The following USP48 variants were observed in gnomAD, a reference collection of about 807,000 sequenced individuals.
USP48 encodes the protein ubiquitin carboxyl-terminal hydrolase 48.
A neutral mutation model predicts 150.7 loss-of-function variants in USP48; 43 were observed. That is an observed-to-expected ratio of 0.29 (90% CI 0.22 to 0.37). The LOEUF (loss-of-function observed/expected upper bound fraction) is 0.37. USP48 is among the 10% of genes least tolerant of loss of function. USP48 has a pLI of 1.00. For missense variants in USP48, 813 were observed against 1,249.6 expected (o/e 0.65, Z 5.27); for synonymous variants, 396 against 425.9 (o/e 0.93, Z 0.86).
At chr1:21,761,410 G>A (rs902751607) in intron 1 of USP48, among the ~76,000 whole-genome samples, 4 of 151,886 alleles carry the variant, frequency 2.6e-5, no homozygotes, top group Admixed American at 2.0e-4. Flanking sequence ...GCTGGGAGGT[G>A]CATGCCACCA....
intron 8 of USP48, among the ~76,000 whole-genome samples, chr1:21,746,270 C>T (rs2097794262): frequency 6.6e-6 from 1 of 152,106 alleles, no homozygotes; most frequent in South Asian, 2.1e-4. Flanking sequence ...GAGGTCAAGG[C>T]AGGTGTCCCA....
chr1:21,688,242 G>A (rs955789058), intron 24 of USP48, among the ~76,000 whole-genome samples: 5 of 152,004 alleles, frequency 3.3e-5, no homozygotes, highest in Non-Finnish European at 5.9e-5. Flanking sequence ...TTTTTGAGAC[G>A]GAGTCTCCCT....
intron 21 of USP48, among the ~76,000 whole-genome samples, 173 bp downstream of exon 21, chr1:21,703,339 T>C (rs967008111): frequency 5.3e-5 from 8 of 152,220 alleles, no homozygotes; most frequent in African/African-American, 1.9e-4. Context: ...AATTCTCATA[T>C]AATCACATAA....
At chr1:21,739,490 G>T (rs1478216436) in intron 8 of USP48, among the ~76,000 whole-genome samples, 2 of 135,280 alleles carry the variant, frequency 1.5e-5, no homozygotes, top group African/African-American at 5.8e-5. Context: ...TTGCACTCCG[G>T]CCTGGAAAAC....
At chr1:21,757,259 A>T (rs969327330) in intron 2 of USP48, among the ~76,000 whole-genome samples, 1 of 152,154 alleles carries the variant, frequency 6.6e-6, no homozygotes, top group Non-Finnish European at 1.5e-5. Flanking sequence ...ATTTATGTCT[A>T]GAAAATTTAA....
At chr1:21,758,532 G>A (rs982175988) in intron 1 of USP48, among the ~76,000 whole-genome samples, 1 of 152,108 alleles carries the variant, frequency 6.6e-6, no homozygotes, top group Admixed American at 6.5e-5. Context: ...GGGAGGCTGA[G>A]GCAGGCGGAT....
intron 1 of USP48, among the ~76,000 whole-genome samples, chr1:21,775,084 T>C (rs552550478): frequency 6.6e-6 from 1 of 152,196 alleles, no homozygotes; most frequent in South Asian, 2.1e-4. Context: ...AAAGTATGTA[T>C]TGTGACTCCC....
At chr1:21,760,828 C>T (rs1400646979) in intron 1 of USP48, among the ~76,000 whole-genome samples, 2 of 152,188 alleles carry the variant, frequency 1.3e-5, no homozygotes, top group East Asian at 1.9e-4. Flanking sequence ...GGCACAGTGG[C>T]TCACGCCTGT....
chr1:21,743,015 A>T (rs560106387), intron 8 of USP48, among the ~76,000 whole-genome samples: 110 of 152,068 alleles, frequency 7.2e-4, no homozygotes, highest in East Asian at 4.8e-3. Flanking sequence ...TGGTTTAAAA[A>T]TTTTTTTTTA....
chr1:21,723,827 A>C, intron 12 of USP48, 71 bp downstream of exon 12: 3 of 1,350,576 alleles, frequency 2.2e-6, no homozygotes, highest in Non-Finnish European at 3.1e-6. Context: ...CATAAGCCAC[A>C]CTCATAAAGA....
chr1:21,728,278 T>C, intron 11 of USP48: 1 of 1,108,252 alleles, frequency 9.0e-7, no homozygotes, highest in Non-Finnish European at 1.1e-6. Flanking sequence ...CTTAAACAAG[T>C]TAATATCTCA....
chr1:21,782,815 G>C lies in USP48; in HGVS notation c.134+9C>G, dbSNP rs752851834. 2.0e-6 allele frequency: 3 copies of C among 1,529,982 alleles called. No homozygotes were observed. The highest frequency in any genetic ancestry group is 2.6e-5 in the East Asian group (1 of 38,166). The allele number at this position is 1,529,982 out of a possible 1,614,324, so 94.8% of individuals were successfully genotyped here. On this transcript the variant is annotated intron_variant, in intron 1 of 26. Coordinates refer to ENST00000308271, the MANE Select transcript of USP48 (RefSeq NM_032236.8). Reference sequence around the variant, plus strand: ...GAGGAGCCCGCGAGGCGCGGTGCGCGGGCCTCACCTGCACACGCCGCGAAT... The same window carrying C: ...GAGGAGCCCGCGAGGCGCGGTGCGCCGGCCTCACCTGCACACGCCGCGAAT...
At chr1:21,773,728 A>G (rs1021477243) in intron 1 of USP48, among the ~76,000 whole-genome samples, 1 of 152,188 alleles carries the variant, frequency 6.6e-6, no homozygotes, top group African/African-American at 2.4e-5. Context: ...TAGCAACCTA[A>G]GTGAAAACAC....
chr1:21,731,234 G>A (rs1416399595), intron 9 of USP48, among the ~76,000 whole-genome samples: 1 of 151,980 alleles, frequency 6.6e-6, no homozygotes, highest in Non-Finnish European at 1.5e-5. Flanking sequence ...AATAAATCTA[G>A]ACTTAATTGC....
chr1:21,738,614 T>C (rs1474440474), intron 8 of USP48, among the ~76,000 whole-genome samples: 2 of 151,672 alleles, frequency 1.3e-5, no homozygotes, highest in Non-Finnish European at 2.9e-5. Context: ...TGCCTCGGCC[T>C]CCCAAAGTGC....
At chr1:21,772,661 C>T (rs1490705196) in intron 1 of USP48, among the ~76,000 whole-genome samples, 1 of 150,884 alleles carries the variant, frequency 6.6e-6, no homozygotes, top group Non-Finnish European at 1.5e-5. Flanking sequence ...GTGGCTCGCG[C>T]CTATAATCCC....
At chr1:21,694,572 CA>C (rs1204062748) in intron 23 of USP48, among the ~76,000 whole-genome samples, 34 of 12,022 alleles carry the variant, frequency 2.8e-3, no homozygotes, top group African/African-American at 0.015. Flanking sequence ...TCTGTCTCAC[CA>C]AAAAAAAAAA....
chr1:21,716,188 T>C (rs1233763224), intron 14 of USP48, among the ~76,000 whole-genome samples: 3 of 152,228 alleles, frequency 2.0e-5, no homozygotes, highest in African/African-American at 7.2e-5. Context: ...AAGAACTTAC[T>C]TCCACCGTTC....
intron 2 of USP48, 176 bp downstream of exon 2, chr1:21,757,487 A>T: frequency 1.9e-6 from 1 of 516,322 alleles, no homozygotes; most frequent in Non-Finnish European, 3.2e-6. Flanking sequence ...GTTTTAAAGC[A>T]TATCATTAAG....
Sources: gnomAD v4.1 joint callset for allele counts (sites outside exome capture counted in the v4.1 genomes callset) on GRCh38, gnomAD v4.1.1 for gene constraint, MANE v1.5 for transcripts, NCBI Gene and HGNC (gene_info 2026-07-23, HGNC 2026-07-21) for gene names.